MAML3: variants seen among roughly 807,000 people sequenced by gnomAD.
The protein encoded by MAML3 is mastermind like transcriptional coactivator 3.
MAML3 carries 27 observed loss-of-function variants against 101.9 expected under a neutral mutation model. That is an observed-to-expected ratio of 0.27 (90% CI 0.20 to 0.37). The LOEUF (loss-of-function observed/expected upper bound fraction) is 0.37. Among genes scored for constraint, MAML3 ranks in the 10% least tolerant of loss-of-function variants. The probability of loss-of-function intolerance (pLI) is 1.00; values close to 1 mark genes in which losing one functional copy is unlikely to be tolerated. For synonymous variants in MAML3, 501 were observed against 555.9 expected (o/e 0.90, Z 1.39); for missense variants, 1,316 against 1,444.9 (o/e 0.91, Z 1.45).
At chr4:139,914,071 G>GTA (rs1158928218) in intron 1 of MAML3, among the ~76,000 whole-genome samples, 1 of 151,770 alleles carries the variant, frequency 6.6e-6, no homozygotes, top group Non-Finnish European at 1.5e-5. Flanking sequence ...ACAGCTCCTC[G>GTA]TATATATATT....
chr4:140,001,992 C>T (rs954196211), intron 1 of MAML3, among the ~76,000 whole-genome samples: 5 of 152,218 alleles, frequency 3.3e-5, no homozygotes, highest in African/African-American at 1.2e-4. Flanking sequence ...AATATGTATA[C>T]ACTATGCAAT....
intron 2 of MAML3, among the ~76,000 whole-genome samples, chr4:139,755,665 A>G (rs186762218): frequency 2.6e-5 from 4 of 152,290 alleles, no homozygotes; most frequent in East Asian, 1.9e-4. Flanking sequence ...AAAGAAAGAG[A>G]AAGAGTGAGC....
chr4:139,811,908 G>A (rs1213915160), intron 2 of MAML3, among the ~76,000 whole-genome samples: 1 of 152,196 alleles, frequency 6.6e-6, no homozygotes, highest in Non-Finnish European at 1.5e-5. Flanking sequence ...AGCAGGAAAA[G>A]CTGAAATTAA....
chr4:139,916,955 A>C (rs182536126), intron 1 of MAML3, among the ~76,000 whole-genome samples: 1 of 152,344 alleles, frequency 6.6e-6, no homozygotes, highest in African/African-American at 2.4e-5. Context: ...TACATTTCTT[A>C]GATGACAGAA....
At chr4:140,125,180 C>T (rs751379111) in intron 1 of MAML3, among the ~76,000 whole-genome samples, 46 of 152,088 alleles carry the variant, frequency 3.0e-4, no homozygotes, top group Non-Finnish European at 5.3e-4. Flanking sequence ...AATATTAACA[C>T]ATATAAATGA....
chr4:139,949,812 C>A (rs1036425267), intron 1 of MAML3, among the ~76,000 whole-genome samples: 5 of 152,094 alleles, frequency 3.3e-5, no homozygotes, highest in Non-Finnish European at 7.3e-5. Flanking sequence ...TGGTCAAATA[C>A]CAATATAGAT....
rs1728020348 is a variant in MAML3, at chr4:139,717,358, T to TGTC, written c.*1962_*1964dup. The TGTC allele has an allele frequency of 6.6e-6, 1 of 152,588 alleles. No individual in the cohort carries two copies. The highest frequency in any genetic ancestry group is 1.5e-5 in the Non-Finnish European group (1 of 68,050). The allele number at this position is 152,588 out of a possible 1,614,324, so 9.5% of individuals were successfully genotyped here. ...TTCAGGAAAAGGTAATTATGTTTTG[T>TGTC]GTCTTCTCATTTGTTTGTTTGCTTT... On this transcript the variant is annotated 3_prime_UTR_variant, in exon 5 of 5. Coordinates refer to ENST00000509479, the MANE Select transcript of MAML3 (RefSeq NM_018717.5).
At chr4:139,962,715 C>G (rs1007858253) in intron 1 of MAML3, among the ~76,000 whole-genome samples, 4 of 151,872 alleles carry the variant, frequency 2.6e-5, no homozygotes, top group African/African-American at 9.7e-5. Context: ...TTTTAAAAAC[C>G]AAGAAAAAGA....
At chr4:139,821,590 G>A (rs142001955) in intron 2 of MAML3, among the ~76,000 whole-genome samples, 1 of 152,290 alleles carries the variant, frequency 6.6e-6, no homozygotes, top group African/African-American at 2.4e-5. Flanking sequence ...AGTAAGCAAG[G>A]CCCTGCTGTG....
At chr4:139,847,538 T>C (rs1731471580) in intron 2 of MAML3, among the ~76,000 whole-genome samples, 1 of 152,226 alleles carries the variant, frequency 6.6e-6, no homozygotes, top group Non-Finnish European at 1.5e-5. Flanking sequence ...ACAAAGCCTT[T>C]TAAATATGAT....
chr4:140,120,541 A>G (rs572715666), intron 1 of MAML3, among the ~76,000 whole-genome samples: 11 of 152,356 alleles, frequency 7.2e-5, no homozygotes, highest in Admixed American at 7.2e-4. Flanking sequence ...ATCGTTAGGC[A>G]TCATGCCTCC....
chr4:139,845,534 T>C (rs902926607), intron 2 of MAML3, among the ~76,000 whole-genome samples: 1 of 152,246 alleles, frequency 6.6e-6, no homozygotes, highest in Non-Finnish European at 1.5e-5. Context: ...ATTCTTTTCA[T>C]GATTGTACTA....
chr4:139,925,691 T>C (rs546371099), intron 1 of MAML3, among the ~76,000 whole-genome samples: 1 of 152,326 alleles, frequency 6.6e-6, no homozygotes, highest in East Asian at 1.9e-4. Flanking sequence ...TAGTCACAAT[T>C]GCCTTTCTTT....
intron 2 of MAML3, among the ~76,000 whole-genome samples, chr4:139,810,897 G>A (rs892793158): frequency 1.2e-4 from 19 of 152,304 alleles, no homozygotes; most frequent in Admixed American, 1.0e-3. Context: ...TCCAGCCAAT[G>A]AGATGTCTAT....
At chr4:139,764,847 A>G (rs914910794) in intron 2 of MAML3, among the ~76,000 whole-genome samples, 11 of 152,102 alleles carry the variant, frequency 7.2e-5, no homozygotes, top group South Asian at 2.1e-4. Context: ...CTTGCTTTCA[A>G]TGAGCTTGGC....
Position 140,039,868 on chromosome 4 carries a change from C to T in MAML3, c.468+112992G>A, listed in dbSNP as rs138873651. Among the ~76,000 whole-genome samples the T allele has an allele frequency of 1.1e-3, 172 of 152,324 alleles. 1 individual carries two copies. Among genetic ancestry groups the T allele is most frequent in the African/African-American group, 3.9e-3 (163 of 41,576 alleles). ...ATTATCACCACTATCAACCTCTCCT[C>T]TTATCCCTACCCCTCAAGAAAGAAA... On this transcript the variant is annotated intron_variant, in intron 1 of 4. Coordinates refer to ENST00000509479, the MANE Select transcript of MAML3 (RefSeq NM_018717.5).
chr4:140,097,349 A>C (rs114307771), intron 1 of MAML3, among the ~76,000 whole-genome samples: 2 of 152,056 alleles, frequency 1.3e-5, no homozygotes, highest in African/African-American at 4.8e-5. Context: ...TCACCACCTC[A>C]TCTCAGCTCC....
chr4:140,073,302 T>C (rs1287640214), intron 1 of MAML3, among the ~76,000 whole-genome samples: 1 of 152,136 alleles, frequency 6.6e-6, no homozygotes, highest in Non-Finnish European at 1.5e-5. Flanking sequence ...CATGCCCGGC[T>C]AATTTTTGTA....
Position 139,730,682 on chromosome 4 carries a change from G to C in MAML3, c.2080-15C>G. ...GGATGCTGCTCCTGGGAAGACAAGA[G>C]AGAGGGAGATGCAGGGATTCCCCAT... On this transcript the variant is annotated splice_polypyrimidine_tract_variant and intron_variant, in intron 2 of 4. Transcript: ENST00000509479. 6.2e-7 allele frequency: 1 copy of C among 1,606,046 alleles called. No homozygotes were observed. The highest frequency in any genetic ancestry group is 8.5e-7 in the Non-Finnish European group (1 of 1,174,602).
Sources: allele counts gnomAD v4.1 joint callset (sites outside exome capture counted in the v4.1 genomes callset), GRCh38; gene constraint gnomAD v4.1.1; transcripts MANE v1.5; gene names NCBI Gene and HGNC (gene_info 2026-07-23, HGNC 2026-07-21).